Variants in TRDMT1 observed in about 807,000 individuals in gnomAD.
TRDMT1 encodes tRNA (cytosine(38)-C(5))-methyltransferase.
TRDMT1 carries 49 observed loss-of-function variants against 51.2 expected under a neutral mutation model. That is an observed-to-expected ratio of 0.96 (90% CI 0.76 to 1.21). The LOEUF (loss-of-function observed/expected upper bound fraction) is 1.21. Ranked by LOEUF, TRDMT1 falls within the 50% of genes most tolerant of loss-of-function variation. The pLI, the probability that TRDMT1 is intolerant of heterozygous loss-of-function variation, is 0.00. For synonymous variants in TRDMT1, 187 were observed against 164.6 expected, an observed-to-expected ratio of 1.14 and a Z score of -1.04; for missense variants, 534 against 462.3, an observed-to-expected ratio of 1.16 and a Z score of -1.42.
intron 1 of TRDMT1, among the ~76,000 whole-genome samples, chr10:17,185,734 G>C (rs981617099): frequency 6.6e-6 from 1 of 152,050 alleles, no homozygotes; most frequent in Non-Finnish European, 1.5e-5. Context: ...GCCATAAAAA[G>C]GATGAGTTCA....
chr10:17,141,190 G>A lies in TRDMT1; in HGVS notation c.*7850C>T, dbSNP rs1488070043. 6.6e-6 allele frequency among the ~76,000 whole-genome samples: 1 copy of A among 152,016 alleles called. No individual in the cohort carries two copies. Among genetic ancestry groups the A allele is most frequent in the Admixed American group, 6.5e-5 (1 of 15,274 alleles). ...TATTTATTTATTTTTTTGAGACGGAGTCTCACTCTGTCACCAGGCTGGAGT... is the reference window on the plus strand; with the variant it reads ...TATTTATTTATTTTTTTGAGACGGAATCTCACTCTGTCACCAGGCTGGAGT... On this transcript the variant is annotated 3_prime_UTR_variant, in exon 11 of 11. Transcript: ENST00000377799.
At chr10:17,153,771 G>T in intron 9 of TRDMT1, 135 bp from the exon 10 acceptor site, 6 of 823,516 alleles carry the variant, frequency 7.3e-6, no homozygotes, top group Non-Finnish European at 1.1e-5. Flanking sequence ...AGGGCAAAAT[G>T]GCTCTGTGCA....
At chr10:17,162,006 G>A (rs1352313338) in intron 4 of TRDMT1, among the ~76,000 whole-genome samples, 160 bp downstream of exon 4, 1 of 152,196 alleles carries the variant, frequency 6.6e-6, no homozygotes, top group African/African-American at 2.4e-5. Flanking sequence ...AACATTTGCA[G>A]TTACTCTATT....
intron 1 of TRDMT1, among the ~76,000 whole-genome samples, chr10:17,198,309 C>G (rs1845717005): frequency 6.6e-6 from 1 of 152,132 alleles, no homozygotes; most frequent in Non-Finnish European, 1.5e-5. Context: ...GTCTATACCC[C>G]AAAACTTAAA....
At chr10:17,153,293 C>T (rs2131383170) in intron 10 of TRDMT1, 1 of 577,644 alleles carries the variant, frequency 1.7e-6, no homozygotes, top group East Asian at 2.9e-5. Context: ...TGACCCACTA[C>T]TGGAGTTAGA....
chr10:17,170,622 T>C (rs554086323), intron 2 of TRDMT1, among the ~76,000 whole-genome samples: 1 of 152,306 alleles, frequency 6.6e-6, no homozygotes, highest in Non-Finnish European at 1.5e-5. Flanking sequence ...CAACAACTTT[T>C]GACTATTTTA....
rs964412473 is a variant in TRDMT1 at position 17,143,310 on chromosome 10, C to T, written c.*5730G>A. ...ACTGGGGGGACAACGTATTAACAAT[C>T]TCTGCCCTTGTGGAAGTTTACATTC... On this transcript the variant is annotated 3_prime_UTR_variant, in exon 11 of 11. Coordinates refer to ENST00000377799, the MANE Select transcript of TRDMT1 (RefSeq NM_004412.7). 2.0e-6 allele frequency: 2 copies of T among 985,114 alleles called. No individual in the cohort carries two copies. Among genetic ancestry groups the T allele is most frequent in the African/African-American group, 3.5e-5 (2 of 57,236 alleles). 61.0% of individuals were successfully genotyped at this position (985,114 alleles called of 1,614,324 possible). A position where few individuals can be genotyped will look rare whatever the true frequency, so the allele number is the denominator to read the frequency against.
At chr10:17,181,245 A>G (rs12780845) in intron 1 of TRDMT1, among the ~76,000 whole-genome samples, 50,885 of 151,932 alleles carry the variant, frequency 0.33, 9,044 homozygotes, top group African/African-American at 0.44. Context: ...TGGCCTTTCC[A>G]CTGGAGGTTT....
Position 17,143,372 on chromosome 10 carries a change from G to C in TRDMT1, c.*5668C>G. On this transcript the variant is annotated 3_prime_UTR_variant, in exon 11 of 11. Transcript: ENST00000377799. ...AAACATTTTCCATTTTTAAAACTCA[G>C]ATCGTAACAGCTATTCAGCTTATTG... 2.0e-6 allele frequency: 2 copies of C among 985,422 alleles called. No individual in the cohort carries two copies. Among genetic ancestry groups the C allele is most frequent in the Non-Finnish European group, 2.4e-6 (2 of 829,926 alleles). The allele number at this position is 985,422 out of a possible 1,614,324, so 61.0% of individuals were successfully genotyped here. A position where few individuals can be genotyped will look rare whatever the true frequency, so the allele number is the denominator to read the frequency against.
At chr10:17,184,191 A>G (rs1336674832) in intron 1 of TRDMT1, among the ~76,000 whole-genome samples, 1 of 152,024 alleles carries the variant, frequency 6.6e-6, no homozygotes, top group African/African-American at 2.4e-5. Context: ...AACAACAAAG[A>G]CTTTGATTTT....
In TRDMT1 at chr10:17,157,621, T is replaced by C. The variant is rs1362121462; in HGVS notation, c.707A>G (p.Glu236Gly). ...TTGTTGATTTTTCCTGTGAATTTCT[T>C]CTGCAGTTTCAAGCTTAAAAAGAAT... ...DAILFKLETA[E>G]EIHRKNQQDS... is the part of the protein sequence containing the mutation. Residue 236 changes from glutamate to glycine, a missense_variant, in exon 8 of 11, where the codon GAA becomes GGA. Transcript: ENST00000377799. The C allele has an allele frequency of 6.2e-7, 1 of 1,613,932 alleles. No individual in the cohort carries two copies. Among genetic ancestry groups the C allele is most frequent in the Non-Finnish European group, 8.5e-7 (1 of 1,179,900 alleles).
chr10:17,153,760 C>T (rs887403615), intron 9 of TRDMT1, 124 bp from the exon 10 acceptor site: 16 of 986,186 alleles, frequency 1.6e-5, no homozygotes, highest in African/African-American at 4.9e-5. Flanking sequence ...GCAAAGTGCA[C>T]AGGGCAAAAT....
At chr10:17,175,920 A>C (rs915292913) in intron 1 of TRDMT1, among the ~76,000 whole-genome samples, 1 of 152,192 alleles carries the variant, frequency 6.6e-6, no homozygotes, top group African/African-American at 2.4e-5. Context: ...CTGAAAAGTA[A>C]GATCCCCTGC....
chr10:17,189,883 AGTCTCATT>A (rs1399245910), intron 1 of TRDMT1, among the ~76,000 whole-genome samples: 2 of 152,134 alleles, frequency 1.3e-5, no homozygotes, highest in Non-Finnish European at 2.9e-5. Context: ...TTGTTTCTTG[AGTCTCATT>A]CATTGAGTAC....
At chr10:17,192,751 GGA>G (rs1466370990) in intron 1 of TRDMT1, among the ~76,000 whole-genome samples, 2 of 152,130 alleles carry the variant, frequency 1.3e-5, no homozygotes, top group African/African-American at 4.8e-5. Context: ...GATGTTGTGT[GGA>G]GAGTTTCTAA....
rs1380317184 is a variant in TRDMT1 at position 17,201,651 on chromosome 10, C to G, written c.-17G>C. ...GGGCTCCATCCCCGCGCCTCAGCCG[C>G]CGCAGCCCCGGAGCTAGGCCTGCCG... On this transcript the variant is annotated 5_prime_UTR_variant, in exon 1 of 11. Coordinates refer to ENST00000377799, the MANE Select transcript of TRDMT1 (RefSeq NM_004412.7). The G allele has an allele frequency of 8.4e-6, 13 of 1,539,458 alleles. No homozygotes were observed. Among genetic ancestry groups the G allele is most frequent in the Non-Finnish European group, 1.1e-5 (13 of 1,143,632 alleles).
intron 6 of TRDMT1, 30 bp downstream of exon 6, chr10:17,160,275 T>C (rs766446521): frequency 7.3e-7 from 1 of 1,364,730 alleles, no homozygotes; most frequent in Non-Finnish European, 9.7e-7. Context: ...AATTATAATT[T>C]ATATAAGCAT....
intron 8 of TRDMT1, among the ~76,000 whole-genome samples, chr10:17,156,763 T>C (rs1255636992): frequency 6.6e-6 from 1 of 152,154 alleles, no homozygotes; most frequent in Non-Finnish European, 1.5e-5. Context: ...AAAAGGGGCA[T>C]ATATATAATA....
At chr10:17,163,245 T>C (rs969220399) in intron 3 of TRDMT1, among the ~76,000 whole-genome samples, 1 of 151,950 alleles carries the variant, frequency 6.6e-6, no homozygotes, top group African/African-American at 2.4e-5. Flanking sequence ...ATTCACAACA[T>C]GACCAAAGAT....
Sources: gnomAD v4.1 joint callset for allele counts (sites outside exome capture counted in the v4.1 genomes callset) on GRCh38, gnomAD v4.1.1 for gene constraint, MANE v1.5 for transcripts, NCBI Gene and HGNC (gene_info 2026-07-23, HGNC 2026-07-21) for gene names.